Variants in ARPIN observed in about 807,000 individuals in gnomAD.
ARPIN encodes the protein UPF0552 protein C15orf38.
A neutral mutation model predicts 25.9 loss-of-function variants in ARPIN; 23 were observed. The ratio of observed to expected loss-of-function variants is 0.89; its 90% confidence interval spans 0.64 to 1.26. ARPIN has a LOEUF of 1.26. Ranked by LOEUF, ARPIN falls within the 50% of genes most tolerant of loss-of-function variation. ARPIN has a pLI of 0.00. For synonymous variants in ARPIN, 126 were observed against 131.4 expected (o/e 0.96, Z 0.28); for missense variants, 333 against 312.2 (o/e 1.07, Z -0.50).
chr15:89,907,220 A>G (rs1897137164), intron 3 of ARPIN, among the ~76,000 whole-genome samples: 1 of 151,768 alleles, frequency 6.6e-6, no homozygotes. Context: ...GGTGCACGCC[A>G]CCATGCCCAG....
chr15:89,903,698 G>C, intron 4 of ARPIN, 79 bp downstream of exon 4: 1 of 1,579,316 alleles, frequency 6.3e-7, no homozygotes, highest in Non-Finnish European at 8.6e-7. Flanking sequence ...GCTCCCATGA[G>C]CTCTAGGCAG....
chr15:89,898,132 G>C lies in ARPIN; in HGVS notation c.*3663C>G, dbSNP rs1310088906. Reference sequence around the variant, plus strand: ...CCATCTCAAAAAAAAAAAAAAGAAAGAAAGAAAATTTCCCATATGAATGAA... The same window carrying C: ...CCATCTCAAAAAAAAAAAAAAGAAACAAAGAAAATTTCCCATATGAATGAA... On this transcript the variant is annotated 3_prime_UTR_variant, in exon 6 of 6. Coordinates refer to ENST00000357484, the MANE Select transcript of ARPIN (RefSeq NM_182616.4). 1 of 151,320 alleles carries C rather than the reference G, an allele frequency of 6.6e-6. No individual in the cohort carries two copies. Among genetic ancestry groups the C allele is most frequent in the Non-Finnish European group, 1.5e-5 (1 of 67,878 alleles). The allele number at this position is 151,320 out of a possible 1,614,324, so 9.4% of individuals were successfully genotyped here. A position where few individuals can be genotyped will look rare whatever the true frequency, so the allele number is the denominator to read the frequency against.
Position 89,903,378 on chromosome 15 carries a change from A to T in ARPIN, c.510T>A (p.Asp170Glu), listed in dbSNP as rs1430061660. Residue 170 changes from aspartate to glutamate, a missense_variant and splice_region_variant, in exon 5 of 6, where the codon GAT (aspartate) becomes GAA (glutamate). Transcript: ENST00000357484. ...TTCCAGCCTCAAGTTTGGCCAATGA[A>T]TCTGAAAGAAGAGATGAAATTGAAT... Reference protein sequence around the residue: ...LKTRGDGPFLDSLAKLEAGTV... With the variant: ...LKTRGDGPFLESLAKLEAGTV... 6.2e-7 allele frequency: 1 copy of T among 1,614,196 alleles called. No homozygotes were observed. Among genetic ancestry groups the T allele is most frequent in the Non-Finnish European group, 8.5e-7 (1 of 1,180,028 alleles).
rs1232749164 is a variant in ARPIN at position 89,900,099 on chromosome 15, T to C, written c.*1696A>G. On this transcript the variant is annotated 3_prime_UTR_variant, in exon 6 of 6. Transcript: ENST00000357484. Reference sequence around the variant, plus strand: ...ACTGGGTGACTCTACCCCCAGTCAGTGTCCCCAGCTATCCTTCTGCTCAAC... The same window carrying C: ...ACTGGGTGACTCTACCCCCAGTCAGCGTCCCCAGCTATCCTTCTGCTCAAC... 1.3e-5 allele frequency: 2 copies of C among 152,334 alleles called. No homozygotes were observed. Among genetic ancestry groups the C allele is most frequent in the Non-Finnish European group, 2.9e-5 (2 of 68,150 alleles). The allele number at this position is 152,334 out of a possible 1,614,324, so 9.4% of individuals were successfully genotyped here.
At chr15:89,901,950 C>G (rs1277340797) in intron 5 of ARPIN, 147 bp from the exon 6 acceptor site, 5 of 781,140 alleles carry the variant, frequency 6.4e-6, no homozygotes, top group Non-Finnish European at 8.4e-6. Flanking sequence ...GCTGGCCCGG[C>G]AGCTCCAACA....
At chr15:89,904,082 C>A in intron 3 of ARPIN, 99 bp from the exon 4 acceptor site, 1 of 1,408,324 alleles carries the variant, frequency 7.1e-7, no homozygotes. Flanking sequence ...TTTCCAAGCT[C>A]AGTCACCCGG....
At chr15:89,912,355 G>A (rs988138628) in intron 1 of ARPIN, 8 of 1,015,114 alleles carry the variant, frequency 7.9e-6, no homozygotes, top group Admixed American at 1.2e-4. Flanking sequence ...GCCACAGCAC[G>A]GCCACTGTCC....
At chr15:89,907,447 T>C (rs1164546827) in intron 3 of ARPIN, among the ~76,000 whole-genome samples, 64 of 152,170 alleles carry the variant, frequency 4.2e-4, no homozygotes, top group Non-Finnish European at 1.6e-4. Context: ...GTGGGACCTT[T>C]AGGAGGTGAG....
chr15:89,903,083 G>T, intron 5 of ARPIN, 133 bp downstream of exon 5: 1 of 1,578,644 alleles, frequency 6.3e-7, no homozygotes, highest in Non-Finnish European at 8.6e-7. Context: ...CACATTCCCA[G>T]GTGTTTCACA....
rs945281129 is a variant in ARPIN at position 89,902,252 on chromosome 15, T to C, written c.673-449A>G. Reference sequence around the variant, plus strand: ...GGAGAAACCTCGTCTCTACTAAAAATACAAAATTAGCCAGGCATGGTGGCG... The same window carrying C: ...GGAGAAACCTCGTCTCTACTAAAAACACAAAATTAGCCAGGCATGGTGGCG... On this transcript the variant is annotated intron_variant, in intron 5 of 5. Coordinates refer to ENST00000357484, the MANE Select transcript of ARPIN (RefSeq NM_182616.4). Among the ~76,000 whole-genome samples the C allele has an allele frequency of 1.1e-4, 17 of 151,788 alleles. 1 individual carries two copies. The highest frequency in any genetic ancestry group is 2.2e-4 in the Non-Finnish European group (15 of 67,964).
Position 89,901,732 on chromosome 15 carries a change from C to A in ARPIN, c.*63G>T. ...TCTCTCCAGCTCCAGAGTAGAAGTT[C>A]ATGGAAGAAATGTTCCACAATGCTA... On this transcript the variant is annotated 3_prime_UTR_variant, in exon 6 of 6. Coordinates refer to ENST00000357484, the MANE Select transcript of ARPIN (RefSeq NM_182616.4). 6.3e-7 allele frequency: 1 copy of A among 1,585,236 alleles called. No individual in the cohort carries two copies. The highest frequency in any genetic ancestry group is 8.7e-7 in the Non-Finnish European group (1 of 1,154,394).
At chr15:89,902,323 G>T (rs1188764036) in intron 5 of ARPIN, among the ~76,000 whole-genome samples, 1 of 151,904 alleles carries the variant, frequency 6.6e-6, no homozygotes, top group Non-Finnish European at 1.5e-5. Context: ...CAGGAGAATT[G>T]CTTGAACCCG....
chr15:89,912,477 C>T, intron 1 of ARPIN: 2 of 1,255,198 alleles, frequency 1.6e-6, no homozygotes, highest in Non-Finnish European at 2.0e-6. Flanking sequence ...GCCCAGCCTT[C>T]GGAGACCTGT....
At chr15:89,912,354 C>T (rs1340195470) in intron 1 of ARPIN, 5 of 1,014,788 alleles carry the variant, frequency 4.9e-6, no homozygotes, top group Middle Eastern at 4.8e-4. Flanking sequence ...CGCCACAGCA[C>T]GGCCACTGTC....
At chr15:89,906,910 G>A (rs1172077368) in intron 3 of ARPIN, among the ~76,000 whole-genome samples, 1 of 151,076 alleles carries the variant, frequency 6.6e-6, no homozygotes, top group African/African-American at 2.4e-5. Flanking sequence ...ATCCAAGATT[G>A]AGCCACTGCA....
rs1005357778 is a variant in ARPIN, at chr15:89,900,695, C to T, written c.*1100G>A. ...TCCCAAGTCAAGCAAGATCCACATG[C>T]CACCAAGTCCTGACGACATGGAGAC... is the stretch of plus-strand genomic sequence containing the variant. On this transcript the variant is annotated 3_prime_UTR_variant, in exon 6 of 6. Coordinates refer to ENST00000357484, the MANE Select transcript of ARPIN (RefSeq NM_182616.4). 1.3e-5 allele frequency: 2 copies of T among 152,228 alleles called. No individual in the cohort carries two copies. Among genetic ancestry groups the T allele is most frequent in the Non-Finnish European group, 2.9e-5 (2 of 68,074 alleles). 9.4% of individuals were successfully genotyped at this position (152,228 alleles called of 1,614,324 possible).
Position 89,895,724 on chromosome 15 carries a change from G to C in ARPIN, c.*6071C>G, listed in dbSNP as rs1896920615. On this transcript the variant is annotated 3_prime_UTR_variant, in exon 6 of 6. Transcript: ENST00000357484. The stretch of plus-strand genomic sequence containing the variant: ...GAAATATGTACTACTTTTGCAGCCA[G>C]AGTTCTGGGGTTTGCTTGTTTGTTT... The C allele has an allele frequency of 6.6e-6, 1 of 152,196 alleles. No individual in the cohort carries two copies. Among genetic ancestry groups the C allele is most frequent in the Non-Finnish European group, 1.5e-5 (1 of 68,052 alleles). 9.4% of individuals were successfully genotyped at this position (152,196 alleles called of 1,614,324 possible).
chr15:89,910,522 C>T (rs996827255), intron 2 of ARPIN, among the ~76,000 whole-genome samples: 2 of 152,190 alleles, frequency 1.3e-5, no homozygotes, highest in African/African-American at 4.8e-5. Context: ...GGCAAGAACA[C>T]AGGCCCTCCC....
Position 89,912,942 on chromosome 15 carries a change from G to T in ARPIN, c.-107C>A. The T allele has an allele frequency of 7.4e-7, 1 of 1,359,264 alleles. No homozygotes were observed. Among genetic ancestry groups the T allele is most frequent in the Non-Finnish European group, 9.5e-7 (1 of 1,049,008 alleles). 84.2% of individuals were successfully genotyped at this position (1,359,264 alleles called of 1,614,324 possible). ...GGGGACCCGCGATTCCCAGCCGGCG[G>T]ATCCGGGAATGGCGCGGCCCGGCCC... On this transcript the variant is annotated 5_prime_UTR_variant, in exon 1 of 6. Transcript: ENST00000357484.
Sources: allele counts gnomAD v4.1 joint callset (sites outside exome capture counted in the v4.1 genomes callset), GRCh38; gene constraint gnomAD v4.1.1; transcripts MANE v1.5; gene names NCBI Gene and HGNC (gene_info 2026-07-23, HGNC 2026-07-21).